TBC1D22B: variants seen among roughly 807,000 people sequenced by gnomAD.
The protein encoded by TBC1D22B is chromosome 6 open reading frame 197.
A neutral mutation model predicts 69.1 loss-of-function variants in TBC1D22B; 32 were observed. The observed-to-expected ratio is 0.46, with a 90% CI of 0.35 to 0.62. The LOEUF (loss-of-function observed/expected upper bound fraction) is 0.62, where lower values mean the gene tolerates loss of function less well. Among genes scored for constraint, TBC1D22B ranks in the 20% least tolerant of loss-of-function variants. TBC1D22B has a pLI of 0.00. For synonymous variants in TBC1D22B, 206 were observed against 229.8 expected (o/e 0.90, Z 0.94); for missense variants, 462 against 630.9 (o/e 0.73, Z 2.87).
At chr6:37,301,220 G>A (rs908050997) in intron 8 of TBC1D22B, among the ~76,000 whole-genome samples, 4 of 152,166 alleles carry the variant, frequency 2.6e-5, no homozygotes, top group Admixed American at 1.3e-4. Flanking sequence ...TACAATTTTT[G>A]TGGGTTTTTT....
intron 8 of TBC1D22B, among the ~76,000 whole-genome samples, chr6:37,302,691 G>A (rs1168644453): frequency 6.6e-6 from 1 of 152,170 alleles, no homozygotes; most frequent in Non-Finnish European, 1.5e-5. Flanking sequence ...TGACAGCAGT[G>A]GAACTCTCGG....
At position 37,282,301 on chromosome 6, in the gene TBC1D22B, G is replaced by C; in HGVS notation, c.538G>C (p.Val180Leu). 3.1e-6 allele frequency: 5 copies of C among 1,613,798 alleles called. No individual in the cohort carries two copies. The highest frequency in any genetic ancestry group is 1.1e-5 in the South Asian group (1 of 91,046). The change falls in exon 4 of 13, where the codon GTC becomes CTC. Residue 180 changes from valine to leucine, a missense_variant. Physicochemically the swap from Val to Leu is conservative, Grantham distance 32 (BLOSUM62 1). Around this residue, in one of 2 missense-constraint regions of TBC1D22B, gnomAD observed 237 missense variants for 255.4 expected, o/e 0.93. Coordinates refer to ENST00000373491, the MANE Select transcript of TBC1D22B (RefSeq NM_017772.4). ...CGCTTCTGGGGCCCCCCCAATGACT[G>C]TCCGGGAGAAAACCCGCCTAGAAAA... The part of the protein sequence containing the change: ...QNASGAPPMT[V>L]REKTRLEKFR...
chr6:37,264,444 C>T (rs1766207844), intron 1 of TBC1D22B, among the ~76,000 whole-genome samples: 1 of 152,142 alleles, frequency 6.6e-6, no homozygotes, highest in Non-Finnish European at 1.5e-5. Flanking sequence ...TCCTGAGTAG[C>T]TGGGATTACA....
chr6:37,325,932 AC>A (rs1447946071), intron 12 of TBC1D22B, among the ~76,000 whole-genome samples: 2 of 152,194 alleles, frequency 1.3e-5, no homozygotes, highest in Admixed American at 6.5e-5. Context: ...AGGCATAGCC[AC>A]CAGGTGGCAG....
intron 1 of TBC1D22B, among the ~76,000 whole-genome samples, chr6:37,267,552 T>C (rs976715445): frequency 2.9e-5 from 4 of 138,142 alleles, no homozygotes; most frequent in South Asian, 4.4e-4. Flanking sequence ...TATATACACA[T>C]ATATATATAC....
intron 7 of TBC1D22B, 91 bp from the exon 8 acceptor site, chr6:37,291,152 C>A: frequency 2.2e-6 from 2 of 915,968 alleles, no homozygotes; most frequent in Non-Finnish European, 3.5e-6. Context: ...TCTACACCAA[C>A]CTGGAGGTAA....
chr6:37,313,209 G>A (rs1411639760), intron 9 of TBC1D22B, among the ~76,000 whole-genome samples, 185 bp downstream of exon 9: 5 of 152,036 alleles, frequency 3.3e-5, no homozygotes, highest in Non-Finnish European at 5.9e-5. Flanking sequence ...GCAATGGTGG[G>A]TCGGGCACGG....
At chr6:37,311,028 T>A (rs1373253927) in intron 8 of TBC1D22B, among the ~76,000 whole-genome samples, 1 of 152,230 alleles carries the variant, frequency 6.6e-6, no homozygotes, top group African/African-American at 2.4e-5. Flanking sequence ...TAAATAATTT[T>A]TCCCCTCTTT....
chr6:37,293,410 A>T (rs1271347252), intron 8 of TBC1D22B, among the ~76,000 whole-genome samples: 1 of 152,128 alleles, frequency 6.6e-6, no homozygotes, highest in Non-Finnish European at 1.5e-5. Context: ...TGTCATGGTC[A>T]TCTGTGATCA....
In TBC1D22B at chr6:37,313,897, T is replaced by C. The variant is rs1231716455; in HGVS notation, c.1165+6T>C. Reference sequence around the variant, plus strand: ...GCTTGTCAGCCGGATTGATGGTAGGTTCAGAGGGAGAAGAGTTCTCTAGCA... The same window carrying C: ...GCTTGTCAGCCGGATTGATGGTAGGCTCAGAGGGAGAAGAGTTCTCTAGCA... On this transcript the variant is annotated splice_donor_region_variant and intron_variant, in intron 10 of 12. Coordinates refer to ENST00000373491, the MANE Select transcript of TBC1D22B (RefSeq NM_017772.4). The C allele has an allele frequency of 1.4e-5, 22 of 1,613,814 alleles. No homozygotes were observed. The highest frequency in any genetic ancestry group is 1.9e-5 in the Non-Finnish European group (22 of 1,179,794).
intron 7 of TBC1D22B, among the ~76,000 whole-genome samples, chr6:37,288,425 T>G (rs1210694740): frequency 6.6e-6 from 1 of 152,204 alleles, no homozygotes; most frequent in East Asian, 1.9e-4. Flanking sequence ...TTAAAAGGCT[T>G]CTCAGCCAGG....
chr6:37,316,660 T>C, intron 10 of TBC1D22B, 43 bp from the exon 11 acceptor site: 1 of 1,612,542 alleles, frequency 6.2e-7, no homozygotes, highest in East Asian at 2.2e-5. Flanking sequence ...CCTTTCAGGG[T>C]CCAGTCCCCT....
At chr6:37,294,540 C>T (rs1767297211) in intron 8 of TBC1D22B, among the ~76,000 whole-genome samples, 1 of 152,186 alleles carries the variant, frequency 6.6e-6, no homozygotes, top group Non-Finnish European at 1.5e-5. Flanking sequence ...GACAGGCTGA[C>T]ACTCTTGTTA....
At chr6:37,319,209 C>T (rs180977696) in intron 12 of TBC1D22B, among the ~76,000 whole-genome samples, 123 of 152,326 alleles carry the variant, frequency 8.1e-4, no homozygotes, top group African/African-American at 2.9e-3. Flanking sequence ...CTTCAGGCCA[C>T]TGATTAAGAA....
intron 3 of TBC1D22B, 97 bp from the exon 4 acceptor site, chr6:37,282,088 T>A: frequency 7.1e-7 from 1 of 1,410,984 alleles, no homozygotes; most frequent in Admixed American, 1.7e-5. Context: ...GCCACACCCT[T>A]GGGGAGGAAA....
chr6:37,290,195 T>G (rs1270984295), intron 7 of TBC1D22B, among the ~76,000 whole-genome samples: 1 of 152,158 alleles, frequency 6.6e-6, no homozygotes, highest in East Asian at 1.9e-4. Flanking sequence ...GAGGGCCTCT[T>G]CAATCTGATG....
At chr6:37,324,833 C>G (rs565468062) in intron 12 of TBC1D22B, among the ~76,000 whole-genome samples, 25 of 152,190 alleles carry the variant, frequency 1.6e-4, no homozygotes, top group Non-Finnish European at 3.1e-4. Context: ...CTAGCACTAC[C>G]CTGTGACCCT....
chr6:37,295,111 T>C (rs1157275562), intron 8 of TBC1D22B, among the ~76,000 whole-genome samples: 2 of 152,118 alleles, frequency 1.3e-5, no homozygotes, highest in African/African-American at 2.4e-5. Context: ...TTTATTTATT[T>C]ATTTATTTGG....
intron 12 of TBC1D22B, among the ~76,000 whole-genome samples, chr6:37,321,370 C>G (rs1168836098): frequency 6.6e-6 from 1 of 152,172 alleles, no homozygotes; most frequent in Non-Finnish European, 1.5e-5. Flanking sequence ...CAAGGATCTG[C>G]TTAGGTTTCC....
Sources: gnomAD v4.1 joint callset for allele counts (sites outside exome capture counted in the v4.1 genomes callset) on GRCh38, gnomAD v4.1.1 for gene constraint, gnomAD v4.1.1 regional missense constraint, MANE v1.5 for transcripts, NCBI Gene and HGNC (gene_info 2026-07-23, HGNC 2026-07-21) for gene names.